Variants in THSD4 observed in about 807,000 individuals in gnomAD.
The protein encoded by THSD4 is thrombospondin type 1 domain containing 4, also known as thrombospondin type-1 domain-containing protein 4.
THSD4 carries 69 observed loss-of-function variants against 119.0 expected under a neutral mutation model. That is an observed-to-expected ratio of 0.58 (90% CI 0.48 to 0.71). The LOEUF is 0.71. THSD4 is among the 30% of genes least tolerant of loss of function. The pLI, the probability that THSD4 is intolerant of heterozygous loss-of-function variation, is 0.00. For synonymous variants in THSD4, 524 were observed against 540.4 expected, an observed-to-expected ratio of 0.97 and a Z score of 0.42; for missense variants, 1,393 against 1,391.1, an observed-to-expected ratio of 1.00 and a Z score of -0.02.
Position 71,170,106 on chromosome 15 carries a change from G to A in THSD4, c.99+15174G>A, listed in dbSNP as rs776723884. The stretch of plus-strand genomic sequence containing the variant: ...GGAGAATCTCTTGAACCCAGGAGGC[G>A]GAAGTTGCAGTGAGCCGAGATCTCA... On this transcript the variant is annotated intron_variant, in intron 3 of 17. Transcript: ENST00000261862. Among the ~76,000 whole-genome samples the A allele has an allele frequency of 1.1e-4, 16 of 149,664 alleles. No individual in the cohort carries two copies. The East Asian group carries it at 1.8e-3, about 17-fold the overall frequency.
intron 6 of THSD4, among the ~76,000 whole-genome samples, chr15:71,320,963 G>A (rs780302780): frequency 4.6e-5 from 7 of 152,162 alleles, no homozygotes; most frequent in Non-Finnish European, 1.0e-4. Flanking sequence ...GGAAAGTGAT[G>A]TAGCTTTTCC....
At chr15:71,689,329 G>C (rs2051994365) in intron 8 of THSD4, among the ~76,000 whole-genome samples, 1 of 152,156 alleles carries the variant, frequency 6.6e-6, no homozygotes, top group Non-Finnish European at 1.5e-5. Flanking sequence ...GAGAGTCCCA[G>C]ACATGGAGCC....
At chr15:71,231,674 A>G (rs1347855089) in intron 4 of THSD4, among the ~76,000 whole-genome samples, 29 of 152,170 alleles carry the variant, frequency 1.9e-4, no homozygotes, top group Admixed American at 1.8e-3. Flanking sequence ...TCGGGTCTTC[A>G]GCACATGGTG....
At chr15:71,628,919 T>C (rs939638953) in intron 7 of THSD4, among the ~76,000 whole-genome samples, 2 of 152,196 alleles carry the variant, frequency 1.3e-5, no homozygotes, top group Non-Finnish European at 2.9e-5. Flanking sequence ...CATCCAGCCA[T>C]CTAACTAATA....
At chr15:71,547,372 G>A (rs1005588890) in intron 7 of THSD4, 6 of 1,548,738 alleles carry the variant, frequency 3.9e-6, no homozygotes, top group African/African-American at 2.7e-5. Flanking sequence ...CTTGGCAGAC[G>A]GAGTTCTCCT....
At chr15:71,409,359 G>T (rs757548572) in intron 6 of THSD4, among the ~76,000 whole-genome samples, 2 of 152,096 alleles carry the variant, frequency 1.3e-5, no homozygotes, top group Non-Finnish European at 2.9e-5. Context: ...TAGTTCTAGC[G>T]CTTCAGAAAG....
chr15:71,587,800 G>GAAAAAAAAAAAAAAAAAAAAAAAAAAA (rs1555429620), intron 7 of THSD4, among the ~76,000 whole-genome samples: 1 of 39,144 alleles, frequency 2.6e-5, no homozygotes, highest in African/African-American at 6.6e-5. Context: ...AAAAAAAAAA[G>GAAAAAAAAAAAAAAAAAAAAAAAAAAA]AAAAAAAAAA....
intron 7 of THSD4, among the ~76,000 whole-genome samples, chr15:71,572,134 T>C (rs894124131): frequency 6.6e-6 from 1 of 152,240 alleles, no homozygotes; most frequent in East Asian, 1.9e-4. Context: ...AATAAAATCC[T>C]ACCACAACAA....
chr15:71,145,733 C>T (rs1357990141), intron 2 of THSD4, among the ~76,000 whole-genome samples: 1 of 152,084 alleles, frequency 6.6e-6, no homozygotes. Flanking sequence ...TGAAATTTCC[C>T]TTGGGGGTAA....
chr15:71,308,606 G>T (rs921433958), intron 6 of THSD4, among the ~76,000 whole-genome samples: 1 of 152,086 alleles, frequency 6.6e-6, no homozygotes, highest in African/African-American at 2.4e-5. Context: ...CATTTTAATT[G>T]CCAAGTAATA....
intron 7 of THSD4, among the ~76,000 whole-genome samples, chr15:71,490,423 G>T (rs2047897899): frequency 6.6e-6 from 1 of 152,120 alleles, no homozygotes; most frequent in Admixed American, 6.5e-5. Flanking sequence ...AGCCAGGCCT[G>T]GTGGCGGGTG....
At chr15:71,381,272 A>G (rs2046224761) in intron 6 of THSD4, among the ~76,000 whole-genome samples, 1 of 152,202 alleles carries the variant, frequency 6.6e-6, no homozygotes, top group African/African-American at 2.4e-5. Context: ...TTTCCAATTC[A>G]GGTACTTAGC....
chr15:71,396,693 G>A (rs1385548059), intron 6 of THSD4, among the ~76,000 whole-genome samples: 3 of 152,172 alleles, frequency 2.0e-5, no homozygotes, highest in African/African-American at 7.2e-5. Flanking sequence ...CTTGACAGTT[G>A]GCCAGACTGG....
chr15:71,462,955 A>G (rs1363847342), intron 7 of THSD4, among the ~76,000 whole-genome samples: 1 of 152,230 alleles, frequency 6.6e-6, no homozygotes, highest in East Asian at 1.9e-4. Flanking sequence ...TTATGTTTCT[A>G]TTGATATGAC....
intron 6 of THSD4, among the ~76,000 whole-genome samples, chr15:71,356,674 T>TG (rs1375543876): frequency 1.3e-5 from 2 of 151,946 alleles, no homozygotes; most frequent in African/African-American, 2.4e-5. Flanking sequence ...TTAAGCAAGC[T>TG]GGGGCTGAGG....
Position 71,577,720 on chromosome 15 carries a change from T to G in THSD4, c.1153-82810T>G, listed in dbSNP as rs140279879. ...TGCAACCTTTATTTATTTATTTTAT[T>G]TTATTTTATTTTATTTTTGAGACGG... On this transcript the variant is annotated intron_variant, in intron 7 of 17. Transcript: ENST00000261862. Among the ~76,000 whole-genome samples, 408 of 143,702 alleles carry G rather than the reference T, an allele frequency of 2.8e-3. 3 individuals are homozygous for G. Among genetic ancestry groups the G allele is most frequent in the African/African-American group, 0.01 (394 of 38,988 alleles). The allele number at this position is 143,702 out of a possible 152,430, so 94.3% of individuals were successfully genotyped here. A position where few individuals can be genotyped will look rare whatever the true frequency, so the allele number is the denominator to read the frequency against.
chr15:71,416,706 ATTTTATTTTGTTTTG>A (rs1242580739), intron 7 of THSD4, among the ~76,000 whole-genome samples: 2 of 80,654 alleles, frequency 2.5e-5, no homozygotes, highest in African/African-American at 8.3e-5. Context: ...ATTTTATTTT[ATTTTATTTTGTTTTG>A]TTTTGTTTTG....
At chr15:71,208,232 G>A (rs960821697) in intron 3 of THSD4, among the ~76,000 whole-genome samples, 2 of 152,170 alleles carry the variant, frequency 1.3e-5, no homozygotes, top group African/African-American at 4.8e-5. Context: ...CTAAGGAAAG[G>A]GGAATGCTGC....
In THSD4 at chr15:71,577,816, G is replaced by A. The variant is rs955527419; in HGVS notation, c.1153-82714G>A. Among the ~76,000 whole-genome samples the A allele has an allele frequency of 4.6e-5, 7 of 151,260 alleles. No homozygotes were observed. The South Asian group carries it at 1.5e-3, about 31-fold the overall frequency. Reference sequence around the variant, plus strand: ...GCTCACTGCAACCTCCACCTCCTGAGTTCACGTTATTCTTCTGCCTCAGCC... The same window carrying A: ...GCTCACTGCAACCTCCACCTCCTGAATTCACGTTATTCTTCTGCCTCAGCC... On this transcript the variant is annotated intron_variant, in intron 7 of 17. Coordinates refer to ENST00000261862, the MANE Select transcript of THSD4 (RefSeq NM_024817.3).
Sources: allele counts gnomAD v4.1 joint callset (sites outside exome capture counted in the v4.1 genomes callset), GRCh38; gene constraint gnomAD v4.1.1; transcripts MANE v1.5; gene names NCBI Gene and HGNC (gene_info 2026-07-23, HGNC 2026-07-21).